Variants in LRP6 observed in about 807,000 individuals in gnomAD.
LRP6 encodes low-density lipoprotein receptor-related protein 6.
A neutral mutation model predicts 184.1 loss-of-function variants in LRP6; 43 were observed. The ratio of observed to expected loss-of-function variants is 0.23; its 90% CI spans 0.18 to 0.30. The LOEUF is 0.30. Ranked by LOEUF, LRP6 falls within the 10% of genes least tolerant of loss-of-function variation. LRP6 has a pLI of 1.00. For synonymous variants in LRP6, 719 were observed against 684.9 expected (o/e 1.05, Z -0.78); for missense variants, 1,571 against 2,005.3 (o/e 0.78, Z 4.14).
chr12:12,224,876 C>G (rs1407260987), intron 2 of LRP6, among the ~76,000 whole-genome samples: 2 of 152,140 alleles, frequency 1.3e-5, no homozygotes, highest in Admixed American at 1.3e-4. Flanking sequence ...TAAGAACATA[C>G]CTATTCCCTG....
chr12:12,153,963 C>T (rs895814643), intron 12 of LRP6, among the ~76,000 whole-genome samples: 6 of 152,172 alleles, frequency 3.9e-5, no homozygotes, highest in Non-Finnish European at 8.8e-5. Context: ...GTGCTCTGTG[C>T]CAGGGGCATT....
chr12:12,242,252 TGAA>T (rs1381001037), intron 2 of LRP6, among the ~76,000 whole-genome samples: 3 of 152,188 alleles, frequency 2.0e-5, no homozygotes, highest in East Asian at 1.9e-4. Context: ...AAACATGCTT[TGAA>T]GAAGAAAAAG....
intron 2 of LRP6, among the ~76,000 whole-genome samples, chr12:12,204,307 G>A (rs113500476): frequency 6.6e-6 from 1 of 150,940 alleles, no homozygotes; most frequent in Non-Finnish European, 1.5e-5. Context: ...AAGGAGGGGG[G>A]GGTCAGGAAC....
intron 2 of LRP6, 21 bp downstream of exon 2, chr12:12,244,241 G>A (rs760753552): frequency 1.5e-5 from 24 of 1,613,550 alleles, no homozygotes; most frequent in East Asian, 2.2e-5. Flanking sequence ...GATGATCTTC[G>A]TACACTGTAC....
chr12:12,236,226 C>CA (rs1255928933), intron 2 of LRP6, among the ~76,000 whole-genome samples: 2 of 149,322 alleles, frequency 1.3e-5, no homozygotes, highest in Non-Finnish European at 3.0e-5. Flanking sequence ...AACTCCGTCT[C>CA]AAAATAAATA....
chr12:12,222,543 G>A (rs187079485), intron 2 of LRP6, among the ~76,000 whole-genome samples: 1 of 149,842 alleles, frequency 6.7e-6, no homozygotes, highest in Non-Finnish European at 1.5e-5. Flanking sequence ...CTCCAGCCTG[G>A]GCGAGAAAGC....
intron 12 of LRP6, among the ~76,000 whole-genome samples, chr12:12,156,084 A>C (rs1191490181): frequency 6.6e-6 from 1 of 152,206 alleles, no homozygotes. Context: ...TAGAGTATAT[A>C]AATTACATAA....
At chr12:12,225,689 T>C (rs371836474) in intron 2 of LRP6, among the ~76,000 whole-genome samples, 16 of 151,924 alleles carry the variant, frequency 1.1e-4, no homozygotes, top group South Asian at 4.2e-4. Flanking sequence ...TGGACCAACA[T>C]AGTAAAACCC....
intron 2 of LRP6, among the ~76,000 whole-genome samples, chr12:12,239,706 T>A (rs1004178272): frequency 1.3e-5 from 2 of 151,660 alleles, no homozygotes; most frequent in Non-Finnish European, 1.5e-5. Flanking sequence ...GAGGAAGGTA[T>A]CCTTTTCTTT....
rs574404576 is a variant in LRP6, at chr12:12,124,665, A to C, written c.4450-3T>G. 6.4e-6 allele frequency: 10 copies of C among 1,565,102 alleles called. No homozygotes were observed. The highest frequency in any genetic ancestry group is 1.4e-5 in the African/African-American group (1 of 73,404). Reference sequence around the variant, plus strand: ...GGGGATGGTGGAGGGTTCAAAATCTAAAAGAAAAAAATAATTAAAATATTA... The same window carrying C: ...GGGGATGGTGGAGGGTTCAAAATCTCAAAGAAAAAAATAATTAAAATATTA... On this transcript the variant is annotated splice_polypyrimidine_tract_variant and splice_region_variant and intron_variant, in intron 21 of 22. Transcript: ENST00000261349.
chr12:12,148,560 C>T (rs11054707), intron 14 of LRP6, among the ~76,000 whole-genome samples: 10,164 of 151,862 alleles, frequency 0.067, 442 homozygotes, highest in Admixed American at 0.1. Context: ...TTAAAAGTAA[C>T]GTAAATTGGA....
rs954991374 is a variant in LRP6, at chr12:12,116,995, T to G, written c.*4131A>C. 1 of 152,118 alleles carries G rather than the reference T, an allele frequency of 6.6e-6. No individual in the cohort carries two copies. The highest frequency in any genetic ancestry group is 2.4e-5 in the African/African-American group (1 of 41,430). 9.4% of individuals were successfully genotyped at this position (152,118 alleles called of 1,614,324 possible). A position where few individuals can be genotyped will look rare whatever the true frequency, so the allele number is the denominator to read the frequency against. ...AATTATAAACGTATAATTTTATACT[T>G]GAGGTCCAAAGTCTTCTACCATAAA... On this transcript the variant is annotated 3_prime_UTR_variant, in exon 23 of 23. Transcript: ENST00000261349.
intron 3 of LRP6, among the ~76,000 whole-genome samples, chr12:12,190,978 A>G (rs549200416): frequency 7.9e-5 from 12 of 152,368 alleles, no homozygotes; most frequent in Non-Finnish European, 1.6e-4. Flanking sequence ...AAAATGGTAG[A>G]GAAAACTACC....
intron 15 of LRP6, among the ~76,000 whole-genome samples, chr12:12,143,451 T>C (rs556913893): frequency 2.0e-5 from 3 of 152,278 alleles, no homozygotes; most frequent in East Asian, 1.9e-4. Flanking sequence ...TAGTTAACAA[T>C]AGCCAAGGTA....
rs1460349279 is a variant in LRP6, at chr12:12,138,554, C to T, written c.3398-20G>A. 1.3e-6 allele frequency: 2 copies of T among 1,597,196 alleles called. No individual in the cohort carries two copies. On this transcript the variant is annotated intron_variant, in intron 15 of 22. Coordinates refer to ENST00000261349, the MANE Select transcript of LRP6 (RefSeq NM_002336.3). ...TAGCACCTTGGAAAAGGAGAAAATT[C>T]AACAGAAATGACTCATGTGGGTCAA...
Position 12,126,682 on chromosome 12 carries a change from C to A in LRP6, c.4312+9G>T, listed in dbSNP as rs1334698175. ...AGACTTGATTCTCAATGGATCCATC[C>A]TGACTCACCTGGAAGAGATCCTGAC... On this transcript the variant is annotated intron_variant, in intron 20 of 22. Transcript: ENST00000261349. 1 of 1,611,426 alleles carries A rather than the reference C, an allele frequency of 6.2e-7. No individual in the cohort carries two copies. The highest frequency in any genetic ancestry group is 1.3e-5 in the African/African-American group (1 of 74,860).
chr12:12,139,007 C>T, intron 15 of LRP6: 1 of 1,318,336 alleles, frequency 7.6e-7, no homozygotes, highest in Middle Eastern at 2.1e-4. Context: ...TCATCTCAGA[C>T]ATAGAGTCAT....
intron 2 of LRP6, 39 bp from the exon 3 acceptor site, chr12:12,203,439 G>A (rs1473108642): frequency 6.7e-7 from 1 of 1,484,548 alleles, no homozygotes. Context: ...TGACAGAGCA[G>A]ATATCAATCA....
intron 3 of LRP6, among the ~76,000 whole-genome samples, chr12:12,194,413 G>GC (rs761233816): frequency 3.3e-5 from 5 of 151,974 alleles, no homozygotes; most frequent in Non-Finnish European, 7.4e-5. Flanking sequence ...ACTTCAAAAG[G>GC]CCCTGCATGA....
Sources: allele counts gnomAD v4.1 joint callset (sites outside exome capture counted in the v4.1 genomes callset), GRCh38; gene constraint gnomAD v4.1.1; transcripts MANE v1.5; gene names NCBI Gene and HGNC (gene_info 2026-07-23, HGNC 2026-07-21).